Variants in INPP5F observed in about 807,000 individuals in gnomAD.
INPP5F encodes the protein inositol polyphosphate-5-phosphatase F, also known as phosphatidylinositide 4-phosphatase SAC2.
INPP5F carries 97 observed loss-of-function variants against 137.2 expected under a neutral mutation model. That is an observed-to-expected ratio of 0.71 (90% CI 0.60 to 0.84). The LOEUF (loss-of-function observed/expected upper bound fraction) is 0.84. INPP5F is among the 40% of genes least tolerant of loss of function. INPP5F has a pLI of 0.00. For synonymous variants in INPP5F, 504 were observed against 476.9 expected (o/e 1.06, Z -0.74); for missense variants, 1,271 against 1,371.9 (o/e 0.93, Z 1.16).
Position 119,827,310 on chromosome 10 carries a change from A to T in INPP5F, c.2929A>T (p.Thr977Ser). The T allele has an allele frequency of 6.2e-7, 1 of 1,614,126 alleles. No homozygotes were observed. Among genetic ancestry groups the T allele is most frequent in the Admixed American group, 1.7e-5 (1 of 60,022 alleles). Residue 977 changes from threonine to serine, a missense_variant, in exon 20 of 20, where the codon ACC becomes TCC. Physicochemically the swap from Thr to Ser is moderately conservative, Grantham distance 58. Coordinates refer to ENST00000650623, the MANE Select transcript of INPP5F (RefSeq NM_014937.4). ...GAACAAAGTGACCCACCTATCAGAGACCAGATCTGTGTCTCAGCAGGCTAG... is the reference window on the plus strand; with the variant it reads ...GAACAAAGTGACCCACCTATCAGAGTCCAGATCTGTGTCTCAGCAGGCTAG... Reference protein sequence around the residue: ...AQNKVTHLSETRSVSQQASQE... With the variant: ...AQNKVTHLSESRSVSQQASQE...
chr10:119,824,469 A>G (rs1851687630), intron 19 of INPP5F, among the ~76,000 whole-genome samples: 1 of 152,190 alleles, frequency 6.6e-6, no homozygotes. Flanking sequence ...ATGCATGGTC[A>G]GGAAGGACAC....
In INPP5F at chr10:119,827,042, C is replaced by T. The variant is rs760120629; in HGVS notation, c.2661C>T (p.Tyr887=). ...TAGAGAGTGTAGGGCCAATAGATTA[C>T]GTTCTTCCTAGTTGTGGTATTATTG... is the stretch of plus-strand genomic sequence containing the variant. ...NSLESVGPID[Y]VLPSCGIIAS... Residue 887 remains tyrosine (Y), a synonymous_variant, in exon 20 of 20, where the codon TAC becomes TAT. Transcript: ENST00000650623. 18 of 1,614,018 alleles carry T rather than the reference C, an allele frequency of 1.1e-5. No individual in the cohort carries two copies. Among genetic ancestry groups the T allele is most frequent in the Middle Eastern group, 1.6e-4 (1 of 6,062 alleles).
chr10:119,798,786 C>CTTTTTTTT (rs374141329), intron 9 of INPP5F, among the ~76,000 whole-genome samples, 176 bp downstream of exon 9: 27 of 100,710 alleles, frequency 2.7e-4, no homozygotes, highest in African/African-American at 9.3e-4. Context: ...GAGTCAGCTA[C>CTTTTTTTT]TTTTTTTTTT....
intron 3 of INPP5F, among the ~76,000 whole-genome samples, chr10:119,784,667 CTTAT>C (rs1849817473): frequency 6.6e-6 from 1 of 152,140 alleles, no homozygotes; most frequent in Non-Finnish European, 1.5e-5. Context: ...AAATATATGC[CTTAT>C]TTGTTTGCCA....
At chr10:119,794,763 C>T (rs1850279236) in intron 6 of INPP5F, among the ~76,000 whole-genome samples, 1 of 141,408 alleles carries the variant, frequency 7.1e-6, no homozygotes, top group Non-Finnish European at 1.6e-5. Flanking sequence ...CCCCACCTCC[C>T]TCCCGGACGG....
At chr10:119,750,936 C>A in intron 1 of INPP5F, 140 bp from the exon 2 acceptor site, 1 of 644,904 alleles carries the variant, frequency 1.6e-6, no homozygotes, top group Non-Finnish European at 2.8e-6. Context: ...TCACAAATTG[C>A]TTTATGGTAA....
chr10:119,806,217 A>C, intron 11 of INPP5F, 143 bp from the exon 12 acceptor site: 1 of 497,846 alleles, frequency 2.0e-6, no homozygotes, highest in Non-Finnish European at 3.5e-6. Context: ...TCTATAAATG[A>C]CTCAATAATG....
chr10:119,827,198 A>G lies in INPP5F; in HGVS notation c.2817A>G (p.Lys939=), dbSNP rs765094778. 5.6e-6 allele frequency: 9 copies of G among 1,614,032 alleles called. No homozygotes were observed. The East Asian group carries it at 1.8e-4, about 32-fold the overall frequency. The change falls in exon 20 of 20, where the codon AAA becomes AAG. Residue 939 remains lysine (K), a synonymous_variant. Coordinates refer to ENST00000650623, the MANE Select transcript of INPP5F (RefSeq NM_014937.4). ...LGKGQESPLK[K]SPSAGDVHIL... ...AAGGCCAGGAGTCTCCTTTGAAGAA[A>G]AGTCCTTCTGCTGGCGACGTACACA... is the stretch of plus-strand genomic sequence containing the variant.
At chr10:119,772,783 G>T (rs1037976883) in intron 2 of INPP5F, among the ~76,000 whole-genome samples, 1 of 151,820 alleles carries the variant, frequency 6.6e-6, no homozygotes, top group African/African-American at 2.4e-5. Context: ...TCGCTCTGTA[G>T]CCCAGGCTGG....
intron 6 of INPP5F, chr10:119,793,734 C>G (rs1352687192): frequency 6.6e-6 from 1 of 152,260 alleles, no homozygotes; most frequent in Non-Finnish European, 1.5e-5. Flanking sequence ...GCAACTTCAC[C>G]TCCCGGGTTC....
At chr10:119,777,838 G>A (rs942874405) in intron 2 of INPP5F, among the ~76,000 whole-genome samples, 3 of 152,026 alleles carry the variant, frequency 2.0e-5, no homozygotes, top group Non-Finnish European at 4.4e-5. Flanking sequence ...AAACTTTGGA[G>A]TAAATTTCCA....
rs143494151 is a variant in INPP5F, at chr10:119,803,042, T to C, written c.1117-1131T>C. ...ATTTTTTTCATGTGGATTTTCTCTG[T>C]ATCCTTTACCATTTTTTTCCGTATT... On this transcript the variant is annotated intron_variant, in intron 9 of 19. Coordinates refer to ENST00000650623, the MANE Select transcript of INPP5F (RefSeq NM_014937.4). Among the ~76,000 whole-genome samples the C allele has an allele frequency of 2.6e-4, 39 of 152,356 alleles. No homozygotes were observed. In the East Asian group the frequency reaches 7.3e-3, roughly 29 times the overall value.
intron 2 of INPP5F, among the ~76,000 whole-genome samples, chr10:119,767,131 A>AAAAAAC (rs1849197109): frequency 6.7e-6 from 1 of 149,984 alleles, no homozygotes. Context: ...AAAAAAAAAA[A>AAAAAAC]AACCTAGAGA....
In INPP5F at chr10:119,823,729, T is replaced by C. The variant is rs893825385; in HGVS notation, c.2162-86T>C. 5.3e-6 allele frequency: 5 copies of C among 946,802 alleles called. No individual in the cohort carries two copies. In the Admixed American group the frequency reaches 1.4e-4, roughly 26 times the overall value. The allele number at this position is 946,802 out of a possible 1,614,324, so 58.7% of individuals were successfully genotyped here. On this transcript the variant is annotated intron_variant, in intron 18 of 19. Transcript: ENST00000650623. The stretch of plus-strand genomic sequence containing the variant: ...TGTATTTAATTATACGACGACAAAT[T>C]TCATTCAGCGCTAAATGGGTTAGAA...
chr10:119,751,125 AG>A lies in INPP5F; in HGVS notation c.149del (p.Gly50ValfsTer18). The part of the protein sequence containing the change: ...WNPICLGLVE[G>X]VIGKIQLHSD... The stretch of plus-strand genomic sequence containing the variant: ...ATCCCATTTGTTTGGGGTTGGTAGA[AG>A]GTGTTATTGGGAAAATTCAACTTCA... On this transcript the variant is annotated frameshift_variant, in exon 2 of 20. Coordinates refer to ENST00000650623, the MANE Select transcript of INPP5F (RefSeq NM_014937.4). LOFTEE classifies it high-confidence loss of function. The A allele has an allele frequency of 6.2e-7, 1 of 1,611,418 alleles. No homozygotes were observed. Among genetic ancestry groups the A allele is most frequent in the Non-Finnish European group, 8.5e-7 (1 of 1,177,540 alleles).
At chr10:119,811,077 T>G (rs925814806) in intron 14 of INPP5F, among the ~76,000 whole-genome samples, 4 of 152,248 alleles carry the variant, frequency 2.6e-5, no homozygotes, top group African/African-American at 7.2e-5. Context: ...CTTACTTCCA[T>G]TCGTTGACCT....
chr10:119,803,471 A>G (rs980888011), intron 9 of INPP5F, among the ~76,000 whole-genome samples: 3 of 152,222 alleles, frequency 2.0e-5, no homozygotes, highest in Non-Finnish European at 2.9e-5. Context: ...CTGGGCCACC[A>G]TTCCTGTTCT....
chr10:119,752,392 C>T (rs1444242920), intron 2 of INPP5F, among the ~76,000 whole-genome samples: 2 of 152,040 alleles, frequency 1.3e-5, no homozygotes, highest in East Asian at 3.9e-4. Flanking sequence ...TGAGACTGGC[C>T]TGACCAACAT....
intron 3 of INPP5F, 81 bp downstream of exon 3, chr10:119,781,852 A>C (rs1260083061): frequency 1.7e-6 from 2 of 1,162,868 alleles, no homozygotes; most frequent in Non-Finnish European, 2.4e-6. Flanking sequence ...AGTAGACCAG[A>C]AACTTACATT....
Sources: gnomAD v4.1 joint callset for allele counts (sites outside exome capture counted in the v4.1 genomes callset) on GRCh38, gnomAD v4.1.1 for gene constraint, MANE v1.5 for transcripts, NCBI Gene and HGNC (gene_info 2026-07-23, HGNC 2026-07-21) for gene names.